The following TMEM200A variants were observed in gnomAD, a reference collection of about 807,000 sequenced individuals.
The protein encoded by TMEM200A is transmembrane protein 200A, also known as two transmembrane C.
In TMEM200A, 12 loss-of-function variants were observed where a neutral mutation model predicts 24.3. The ratio of observed to expected loss-of-function variants is 0.49; its 90% CI spans 0.32 to 0.80. TMEM200A has a LOEUF of 0.80. TMEM200A is among the 30% of genes least tolerant of loss of function. TMEM200A has a pLI of 0.04. For synonymous variants in TMEM200A, 224 were observed against 224.4 expected (o/e 1.00, Z 0.02); for missense variants, 545 against 614.4 (o/e 0.89, Z 1.19).
chr6:130,408,496 G>C (rs1779257583), intron 2 of TMEM200A, among the ~76,000 whole-genome samples: 1 of 152,164 alleles, frequency 6.6e-6, no homozygotes, highest in Admixed American at 6.5e-5. Context: ...TCTTAGACAG[G>C]GTTGGGGAAT....
intron 2 of TMEM200A, among the ~76,000 whole-genome samples, chr6:130,419,122 T>A (rs1003056258): frequency 2.0e-5 from 3 of 152,182 alleles, no homozygotes; most frequent in Non-Finnish European, 4.4e-5. Flanking sequence ...TCTCTACCTC[T>A]GTGAGATCCA....
intron 1 of TMEM200A, chr6:130,382,123 A>G (rs769157462): frequency 2.9e-5 from 8 of 271,588 alleles, no homozygotes; most frequent in Non-Finnish European, 4.5e-5. Context: ...GAGCATTACT[A>G]CCTAAGAGCT....
At chr6:130,433,027 A>C (rs1215065050) in intron 2 of TMEM200A, among the ~76,000 whole-genome samples, 1 of 152,222 alleles carries the variant, frequency 6.6e-6, no homozygotes, top group Non-Finnish European at 1.5e-5. Context: ...AACTGAGATA[A>C]GAAAAGCCAC....
intron 2 of TMEM200A, among the ~76,000 whole-genome samples, chr6:130,426,006 G>C (rs1779727350): frequency 6.6e-6 from 1 of 152,116 alleles, no homozygotes; most frequent in Middle Eastern, 3.2e-3. Context: ...ATTAGTATTT[G>C]ATTTTGATGA....
chr6:130,373,334 T>C (rs1778364076), intron 1 of TMEM200A, among the ~76,000 whole-genome samples: 1 of 152,154 alleles, frequency 6.6e-6, no homozygotes, highest in Non-Finnish European at 1.5e-5. Context: ...AAAAATACAT[T>C]AAGTATAAAA....
At position 130,386,357 on chromosome 6, in the gene TMEM200A, G is replaced by A. The variant is rs142135611; in HGVS notation, c.-17+1121G>A. Among the ~76,000 whole-genome samples, 82 of 152,278 alleles carry A rather than the reference G, an allele frequency of 5.4e-4. 1 individual carries two copies. The Middle Eastern group carries it at 0.01, about 19-fold the overall frequency. ...TTTGCTTAGAACGGGGCTGAAAACTGCTGTGGACCAAAATTCTGCTTGTCA... is the reference window on the plus strand; with the variant it reads ...TTTGCTTAGAACGGGGCTGAAAACTACTGTGGACCAAAATTCTGCTTGTCA... On this transcript the variant is annotated intron_variant, in intron 2 of 2. Transcript: ENST00000296978.
chr6:130,369,019 T>C (rs1165898988), intron 1 of TMEM200A, among the ~76,000 whole-genome samples: 2 of 152,014 alleles, frequency 1.3e-5, no homozygotes, highest in African/African-American at 2.4e-5. Flanking sequence ...AGGAGGGTGG[T>C]TTGTAGGGTT....
rs565158105 is a variant in TMEM200A at position 130,442,591 on chromosome 6, C to A, written c.*693C>A. The A allele has an allele frequency of 6.0e-6, 1 of 166,570 alleles. No individual in the cohort carries two copies. The allele number at this position is 166,570 out of a possible 1,614,324, so 10.3% of individuals were successfully genotyped here. ...CAAAATGCAATTATAGTTGCTATAA[C>A]GTTAGATACTCGGAATCAAAATTTA... On this transcript the variant is annotated 3_prime_UTR_variant, in exon 3 of 3. Coordinates refer to ENST00000296978, the MANE Select transcript of TMEM200A (RefSeq NM_001258277.2).
chr6:130,406,162 A>G (rs1192374869), intron 2 of TMEM200A, among the ~76,000 whole-genome samples: 1 of 152,158 alleles, frequency 6.6e-6, no homozygotes, highest in Non-Finnish European at 1.5e-5. Flanking sequence ...CCGTTTACAT[A>G]TATAGCCGAG....
At chr6:130,399,914 A>G (rs1018181165) in intron 2 of TMEM200A, among the ~76,000 whole-genome samples, 1 of 151,856 alleles carries the variant, frequency 6.6e-6, no homozygotes, top group Non-Finnish European at 1.5e-5. Context: ...TAGCTCCCAC[A>G]TATCAGTGAG....
intron 2 of TMEM200A, among the ~76,000 whole-genome samples, chr6:130,387,498 C>T (rs1489600424): frequency 6.6e-6 from 1 of 152,176 alleles, no homozygotes; most frequent in Non-Finnish European, 1.5e-5. Context: ...GTCTCGAACT[C>T]CTGATCTTAG....
chr6:130,428,048 T>G (rs988469734), intron 2 of TMEM200A, among the ~76,000 whole-genome samples: 3 of 152,274 alleles, frequency 2.0e-5, no homozygotes, highest in Admixed American at 1.3e-4. Context: ...AACATGGTTT[T>G]ATCCTGTTAT....
chr6:130,399,549 T>C (rs1185649919), intron 2 of TMEM200A, among the ~76,000 whole-genome samples: 1 of 151,768 alleles, frequency 6.6e-6, no homozygotes, highest in Non-Finnish European at 1.5e-5. Flanking sequence ...AATTTATTAT[T>C]ATATTTTTAT....
chr6:130,414,534 A>G (rs962662878), intron 2 of TMEM200A, among the ~76,000 whole-genome samples: 1 of 152,184 alleles, frequency 6.6e-6, no homozygotes, highest in Non-Finnish European at 1.5e-5. Flanking sequence ...TGTTACCACC[A>G]AATTATTACT....
chr6:130,384,605 C>G (rs1208209442), intron 1 of TMEM200A, among the ~76,000 whole-genome samples: 2 of 152,130 alleles, frequency 1.3e-5, no homozygotes, highest in Non-Finnish European at 2.9e-5. Context: ...ATCCATCCTG[C>G]CTGGCCAGAA....
intron 1 of TMEM200A, among the ~76,000 whole-genome samples, chr6:130,371,311 G>GT (rs1778317039): frequency 6.6e-6 from 1 of 152,130 alleles, no homozygotes; most frequent in Admixed American, 6.5e-5. Flanking sequence ...GTAGGTTCAT[G>GT]TTGCATACTT....
chr6:130,381,948 C>T (rs1231806105), intron 1 of TMEM200A: 3 of 985,298 alleles, frequency 3.0e-6, no homozygotes, highest in South Asian at 4.7e-5. Context: ...CACTCCAGAA[C>T]ACACTGCCAT....
intron 1 of TMEM200A, among the ~76,000 whole-genome samples, chr6:130,376,403 C>T (rs1377818689): frequency 6.6e-6 from 1 of 152,090 alleles, no homozygotes; most frequent in Non-Finnish European, 1.5e-5. Flanking sequence ...CACAAGTAGC[C>T]TCCCAAGTAG....
intron 2 of TMEM200A, among the ~76,000 whole-genome samples, chr6:130,419,155 G>A (rs1193868377): frequency 2.0e-5 from 3 of 152,078 alleles, no homozygotes; most frequent in African/African-American, 4.8e-5. Flanking sequence ...CCACATATGA[G>A]TGATAGCATG....
Sources: allele counts gnomAD v4.1 joint callset (sites outside exome capture counted in the v4.1 genomes callset), GRCh38; gene constraint gnomAD v4.1.1; transcripts MANE v1.5; gene names NCBI Gene and HGNC (gene_info 2026-07-23, HGNC 2026-07-21).